CPAMD8: variants seen among roughly 807,000 people sequenced by gnomAD.
CPAMD8 encodes the protein C3 and PZP like alpha-2-macroglobulin domain containing 8.
A neutral mutation model predicts 224.7 loss-of-function variants in CPAMD8; 146 were observed. The observed-to-expected ratio is 0.65, with a 90% CI of 0.57 to 0.75. The LOEUF is 0.75. Ranked by LOEUF, CPAMD8 falls within the 30% of genes least tolerant of loss-of-function variation. CPAMD8 has a pLI of 0.00. For synonymous variants in CPAMD8, 966 were observed against 1,044.6 expected, an observed-to-expected ratio of 0.92 and a Z score of 1.45; for missense variants, 2,301 against 2,537.5, an observed-to-expected ratio of 0.91 and a Z score of 2.00.
At chr19:16,918,819 G>A (rs1247964274) in intron 27 of CPAMD8, among the ~76,000 whole-genome samples, 2 of 150,448 alleles carry the variant, frequency 1.3e-5, no homozygotes, top group Non-Finnish European at 2.9e-5. Context: ...TCACAGATAC[G>A]GAGGGCTACC....
At chr19:16,986,459 C>T (rs539080938) in intron 13 of CPAMD8, among the ~76,000 whole-genome samples, 1 of 152,234 alleles carries the variant, frequency 6.6e-6, no homozygotes, top group African/African-American at 2.4e-5. Flanking sequence ...GAGGAGGAGG[C>T]CAGCACCAGC....
At position 16,914,285 on chromosome 19, in the gene CPAMD8, T is replaced by C. The variant is rs550486265; in HGVS notation, c.3861+139A>G. On this transcript the variant is annotated intron_variant, in intron 29 of 41. Coordinates refer to ENST00000443236, the MANE Select transcript of CPAMD8 (RefSeq NM_015692.5). ...CTGGATGTAATGTGACCATTGTTGA[T>C]GAAAAGCATGAAAAAGCCTCGATAA... The C allele has an allele frequency of 9.1e-6, 6 of 662,872 alleles. No homozygotes were observed. The African/African-American group carries it at 9.1e-5, about 10-fold the overall frequency. 41.1% of individuals were successfully genotyped at this position (662,872 alleles called of 1,614,324 possible). A position where few individuals can be genotyped will look rare whatever the true frequency, so the allele number is the denominator to read the frequency against.
chr19:16,931,221 C>G (rs191290902), intron 23 of CPAMD8, among the ~76,000 whole-genome samples: 1 of 152,172 alleles, frequency 6.6e-6, no homozygotes, highest in African/African-American at 2.4e-5. Flanking sequence ...ACTGCACACA[C>G]CACCAGGGAG....
chr19:16,987,179 A>AAAATATATAT (rs1555784836), intron 13 of CPAMD8, among the ~76,000 whole-genome samples: 16 of 53,912 alleles, frequency 3.0e-4, no homozygotes, highest in South Asian at 6.5e-4. Context: ...AAAAAAAAAA[A>AAAATATATAT]ATATATATAT....
At chr19:16,961,754 C>T (rs1259885319) in intron 18 of CPAMD8, among the ~76,000 whole-genome samples, 2 of 152,234 alleles carry the variant, frequency 1.3e-5, no homozygotes, top group South Asian at 2.1e-4. Flanking sequence ...CTGGGAGACA[C>T]CTCCCAGGAG....
intron 9 of CPAMD8, among the ~76,000 whole-genome samples, chr19:17,001,927 AC>A (rs1467947547): frequency 1.3e-5 from 2 of 150,350 alleles, no homozygotes; most frequent in Non-Finnish European, 3.0e-5. Context: ...GGGGAGGGGA[AC>A]CCACAGGGGA....
At chr19:16,945,141 G>T (rs953138921) in intron 22 of CPAMD8, among the ~76,000 whole-genome samples, 1 of 152,100 alleles carries the variant, frequency 6.6e-6, no homozygotes, top group East Asian at 1.9e-4. Flanking sequence ...AGATCCTGGC[G>T]CCTGCCTCTG....
At position 16,902,648 on chromosome 19, in the gene CPAMD8, C is replaced by G. The variant is rs2052306718; in HGVS notation, c.4685+1G>C. On this transcript the variant is annotated splice_donor_variant, in intron 35 of 41. Coordinates refer to ENST00000443236, the MANE Select transcript of CPAMD8 (RefSeq NM_015692.5). LOFTEE classifies it high-confidence loss of function. ...CACGCCAGCAGGGCAGGTGGCCTTA[C>G]CTGGTGCACACCTCCAGCATCACCT... 5 of 1,600,686 alleles carry G rather than the reference C, an allele frequency of 3.1e-6. No individual in the cohort carries two copies. Among genetic ancestry groups the G allele is most frequent in the African/African-American group, 2.7e-5 (2 of 74,688 alleles).
intron 18 of CPAMD8, among the ~76,000 whole-genome samples, chr19:16,964,652 T>C (rs929688390): frequency 6.6e-6 from 1 of 151,852 alleles, no homozygotes; most frequent in Non-Finnish European, 1.5e-5. Context: ...ACTATTCTAA[T>C]CAAGAAAAAG....
intron 19 of CPAMD8, among the ~76,000 whole-genome samples, chr19:16,954,434 G>T (rs1350211804): frequency 2.0e-5 from 3 of 152,008 alleles, no homozygotes; most frequent in South Asian, 2.1e-4. Flanking sequence ...AATGTAAAAC[G>T]CTGCAGCTGC....
intron 12 of CPAMD8, among the ~76,000 whole-genome samples, chr19:16,992,019 G>C (rs2055971157): frequency 6.6e-6 from 1 of 152,148 alleles, no homozygotes; most frequent in Admixed American, 6.5e-5. Context: ...TGCCCACAGA[G>C]GACAAAGTGA....
At chr19:16,977,324 G>A (rs552301268) in intron 15 of CPAMD8, 44 bp downstream of exon 15, 22 of 1,427,372 alleles carry the variant, frequency 1.5e-5, no homozygotes, top group East Asian at 6.8e-5. Flanking sequence ...GAGAAGCCCC[G>A]ATGGCCCCTG....
chr19:16,989,878 C>A, intron 12 of CPAMD8, 107 bp from the exon 13 acceptor site: 1 of 1,067,320 alleles, frequency 9.4e-7, no homozygotes, highest in Admixed American at 2.1e-5. Flanking sequence ...TCTCATGCTC[C>A]AATATCCCTT....
At position 16,906,914 on chromosome 19, in the gene CPAMD8, C is replaced by G. The variant is rs535480398; in HGVS notation, c.4027+38G>C. On this transcript the variant is annotated intron_variant, in intron 30 of 41. Transcript: ENST00000443236. ...TTACCAGACTCCACAGTGGGCTTCC[C>G]GACGCTGTGGCCTCTGGGGAGGGCC... The G allele has an allele frequency of 5.2e-6, 8 of 1,551,516 alleles. No individual in the cohort carries two copies. The African/African-American group carries it at 8.1e-5, about 16-fold the overall frequency.
chr19:16,920,608 C>T (rs963389449), intron 27 of CPAMD8, among the ~76,000 whole-genome samples: 1 of 152,142 alleles, frequency 6.6e-6, no homozygotes. Flanking sequence ...GTAATCCCAG[C>T]ACTTTAGGAG....
Position 16,987,502 on chromosome 19 carries a change from C to T in CPAMD8, c.1395+2141G>A, listed in dbSNP as rs1015430350. ...TCTTCTTTATGATTTTTTTTACCTG[C>T]GCCTGCCAGCGTAAGAAAATCTTAT... is the stretch of plus-strand genomic sequence containing the variant. On this transcript the variant is annotated intron_variant, in intron 13 of 41. Transcript: ENST00000443236. 2.0e-5 allele frequency among the ~76,000 whole-genome samples: 3 copies of T among 151,758 alleles called. No homozygotes were observed. In the South Asian group the frequency reaches 6.2e-4, roughly 32 times the overall value.
chr19:16,900,845 C>T (rs1599652775), intron 36 of CPAMD8, among the ~76,000 whole-genome samples: 1 of 152,058 alleles, frequency 6.6e-6, no homozygotes, highest in Admixed American at 6.6e-5. Context: ...AACCCTGTCT[C>T]TGCCACAAAT....
intron 1 of CPAMD8, among the ~76,000 whole-genome samples, chr19:17,023,570 TTTTA>T (rs886606549): frequency 2.0e-4 from 31 of 152,072 alleles, no homozygotes; most frequent in South Asian, 2.1e-4. Context: ...CTTTTTTTAT[TTTTA>T]TTTATTTATT....
intron 26 of CPAMD8, 43 bp downstream of exon 26, chr19:16,925,146 AACCTGCC>A: frequency 6.3e-7 from 1 of 1,599,186 alleles, no homozygotes; most frequent in Non-Finnish European, 8.6e-7. Flanking sequence ...CTGAAGGCTG[AACCTGCC>A]TCCCTTGCTC....
Sources: gnomAD v4.1 joint callset for allele counts (sites outside exome capture counted in the v4.1 genomes callset) on GRCh38, gnomAD v4.1.1 for gene constraint, MANE v1.5 for transcripts, NCBI Gene and HGNC (gene_info 2026-07-23, HGNC 2026-07-21) for gene names.